Variants in TXNDC16 observed in about 807,000 individuals in gnomAD.
The protein encoded by TXNDC16 is thioredoxin domain containing 16.
A neutral mutation model predicts 85.6 loss-of-function variants in TXNDC16; 74 were observed. The ratio of observed to expected loss-of-function variants is 0.86; its 90% CI spans 0.72 to 1.05. The LOEUF is 1.05. TXNDC16 is among the 50% of genes least tolerant of loss of function. TXNDC16 has a pLI of 0.00. For synonymous variants in TXNDC16, 335 were observed against 326.5 expected (o/e 1.03, Z -0.28); for missense variants, 959 against 947.0 (o/e 1.01, Z -0.17).
chr14:52,498,157 T>G (rs1427205170), intron 9 of TXNDC16, among the ~76,000 whole-genome samples: 1 of 152,064 alleles, frequency 6.6e-6, no homozygotes, highest in East Asian at 1.9e-4. Context: ...CTCAAGATAT[T>G]AAACAGCATA....
Position 52,470,063 on chromosome 14 carries a change from C to A in TXNDC16, c.1592G>T (p.Gly531Val). ...LILYSSVSVLGLFSPTMKTAK... is the reference protein window; with the variant it reads ...LILYSSVSVLVLFSPTMKTAK... ...TGTTTTCATGGTTGGACTAAATAGT[C>A]CCAATACTGACACACTAGAATACAA... Residue 531 changes from glycine (G) to valine (V), a missense_variant, in exon 16 of 21, where the codon GGA becomes GTA. Physicochemically the swap from Gly to Val is moderately radical, Grantham distance 109. Transcript: ENST00000281741. 1 of 1,611,192 alleles carries A rather than the reference C, an allele frequency of 6.2e-7. No individual in the cohort carries two copies. Among genetic ancestry groups the A allele is most frequent in the Non-Finnish European group, 8.5e-7 (1 of 1,178,802 alleles).
rs2037897351 is a variant in TXNDC16, at chr14:52,544,341, C to A, written c.-151G>T. The A allele has an allele frequency of 1.3e-5, 2 of 151,932 alleles. No individual in the cohort carries two copies. Among genetic ancestry groups the A allele is most frequent in the African/African-American group, 2.4e-5 (1 of 41,378 alleles). The allele number at this position is 151,932 out of a possible 1,614,324, so 9.4% of individuals were successfully genotyped here. A position where few individuals can be genotyped will look rare whatever the true frequency, so the allele number is the denominator to read the frequency against. Reference sequence around the variant, plus strand: ...CTTTCAAATTTTTCTTGAACAACTTCAAGAAGTTTTCTACTGATGATCTAT... The same window carrying A: ...CTTTCAAATTTTTCTTGAACAACTTAAAGAAGTTTTCTACTGATGATCTAT... On this transcript the variant is annotated 5_prime_UTR_variant, in exon 2 of 21. Transcript: ENST00000281741.
chr14:52,543,324 T>C lies in TXNDC16; in HGVS notation c.160+74A>G, dbSNP rs558067262. 13 of 1,470,202 alleles carry C rather than the reference T, an allele frequency of 8.8e-6. No homozygotes were observed. The African/African-American group carries it at 1.7e-4, about 19-fold the overall frequency. The allele number at this position is 1,470,202 out of a possible 1,614,324, so 91.1% of individuals were successfully genotyped here. A position where few individuals can be genotyped will look rare whatever the true frequency, so the allele number is the denominator to read the frequency against. On this transcript the variant is annotated intron_variant, in intron 3 of 20. Transcript: ENST00000281741. Reference sequence around the variant, plus strand: ...ACATATTATTAATCTTAACAGAAATTTCCCACTGAACTTACTGATTAAATA... The same window carrying C: ...ACATATTATTAATCTTAACAGAAATCTCCCACTGAACTTACTGATTAAATA...
At chr14:52,457,315 T>A (rs1277041483) in intron 16 of TXNDC16, 141 bp from the exon 17 acceptor site, 1 of 492,404 alleles carries the variant, frequency 2.0e-6, no homozygotes, top group Admixed American at 4.3e-5. Context: ...TTATATAATT[T>A]AGTGGTTCCA....
chr14:52,490,469 T>C lies in TXNDC16; in HGVS notation c.924-18A>G. On this transcript the variant is annotated intron_variant, in intron 10 of 20. Coordinates refer to ENST00000281741, the MANE Select transcript of TXNDC16 (RefSeq NM_020784.3). Reference sequence around the variant, plus strand: ...AAGAGTCCCTTTTTCAAAATGGAAATAAATGTTTTATGTTGCTAATCTGAA... The same window carrying C: ...AAGAGTCCCTTTTTCAAAATGGAAACAAATGTTTTATGTTGCTAATCTGAA... 6.3e-7 allele frequency: 1 copy of C among 1,580,984 alleles called. No homozygotes were observed. The highest frequency in any genetic ancestry group is 8.6e-7 in the Non-Finnish European group (1 of 1,161,840).
intron 14 of TXNDC16, 73 bp downstream of exon 14, chr14:52,482,157 T>C: frequency 1.5e-6 from 2 of 1,356,554 alleles, no homozygotes; most frequent in Non-Finnish European, 2.0e-6. Flanking sequence ...TCTATATTTT[T>C]TGCATGACAT....
intron 14 of TXNDC16, among the ~76,000 whole-genome samples, chr14:52,481,026 A>C (rs2036139359): frequency 6.7e-6 from 1 of 148,966 alleles, no homozygotes; most frequent in Admixed American, 6.7e-5. Context: ...AGCCACAAAA[A>C]GGAATGAATT....
intron 14 of TXNDC16, among the ~76,000 whole-genome samples, chr14:52,475,383 C>A (rs2035998524): frequency 6.6e-6 from 1 of 152,134 alleles, no homozygotes; most frequent in South Asian, 2.1e-4. Context: ...AGAAAGAAAG[C>A]CCTACTTATT....
intron 16 of TXNDC16, among the ~76,000 whole-genome samples, chr14:52,461,790 C>A (rs1427628527): frequency 6.6e-6 from 1 of 152,224 alleles, no homozygotes; most frequent in Non-Finnish European, 1.5e-5. Context: ...ACCATGGCCA[C>A]CTGTCCAGAC....
At chr14:52,501,768 T>C (rs973024206) in intron 9 of TXNDC16, among the ~76,000 whole-genome samples, 2 of 152,216 alleles carry the variant, frequency 1.3e-5, no homozygotes, top group African/African-American at 4.8e-5. Context: ...CTAAGAGGTG[T>C]TTCCTATAAA....
At chr14:52,491,603 TAA>T (rs1491551625) in intron 9 of TXNDC16, among the ~76,000 whole-genome samples, 1 of 100,028 alleles carries the variant, frequency 1.0e-5, no homozygotes, top group Non-Finnish European at 1.9e-5. Context: ...AAACAATAAA[TAA>T]GTGTGGGACT....
intron 9 of TXNDC16, among the ~76,000 whole-genome samples, chr14:52,507,252 T>C (rs9743800): frequency 0.095 from 14,462 of 151,716 alleles, 792 homozygotes; most frequent in East Asian, 0.17. Context: ...AAATCACAAG[T>C]ATTCTTATAC....
At chr14:52,526,692 T>C (rs1361224385) in intron 6 of TXNDC16, among the ~76,000 whole-genome samples, 2 of 152,230 alleles carry the variant, frequency 1.3e-5, no homozygotes, top group Non-Finnish European at 2.9e-5. Context: ...TCCACCAAAC[T>C]GATGTCTTGT....
In TXNDC16 at chr14:52,450,876, T is replaced by C. The variant is rs1165139175; in HGVS notation, c.1842+4448A>G. On this transcript the variant is annotated intron_variant, in intron 18 of 20. Coordinates refer to ENST00000281741, the MANE Select transcript of TXNDC16 (RefSeq NM_020784.3). ...TTTTATATATATATATATATATATA[T>C]ATATACACACACACACACATACATA... Among the ~76,000 whole-genome samples, 8 of 117,444 alleles carry C rather than the reference T, an allele frequency of 6.8e-5. No individual in the cohort carries two copies. The East Asian group carries it at 8.8e-4, about 13-fold the overall frequency. 77.0% of individuals were successfully genotyped at this position (117,444 alleles called of 152,430 possible).
chr14:52,490,736 T>TA, intron 10 of TXNDC16, 103 bp downstream of exon 10: 1 of 1,258,866 alleles, frequency 7.9e-7, no homozygotes, highest in Non-Finnish European at 1.1e-6. Flanking sequence ...TGGAATCTAT[T>TA]AGAGATTTGA....
At chr14:52,528,757 C>G (rs1184185301) in intron 6 of TXNDC16, among the ~76,000 whole-genome samples, 1 of 149,092 alleles carries the variant, frequency 6.7e-6, no homozygotes, top group Non-Finnish European at 1.5e-5. Flanking sequence ...TAATAAAAAT[C>G]TGTAAGGTCA....
intron 6 of TXNDC16, among the ~76,000 whole-genome samples, chr14:52,528,459 A>C (rs936283084): frequency 7.2e-5 from 11 of 152,196 alleles, no homozygotes; most frequent in Non-Finnish European, 1.5e-4. Context: ...ATATATTTTA[A>C]TATGTATGTC....
At chr14:52,492,093 A>G (rs574940787) in intron 9 of TXNDC16, among the ~76,000 whole-genome samples, 3 of 152,096 alleles carry the variant, frequency 2.0e-5, no homozygotes, top group Admixed American at 6.6e-5. Context: ...CCCCTCCCCA[A>G]CTCTATGAGT....
At chr14:52,447,624 C>T (rs2035315590) in intron 18 of TXNDC16, among the ~76,000 whole-genome samples, 2 of 152,040 alleles carry the variant, frequency 1.3e-5, no homozygotes, top group South Asian at 2.1e-4. Context: ...CCTTTAACGC[C>T]CAGACACAGA....
Sources: allele counts gnomAD v4.1 joint callset (sites outside exome capture counted in the v4.1 genomes callset), GRCh38; gene constraint gnomAD v4.1.1; transcripts MANE v1.5; gene names NCBI Gene and HGNC (gene_info 2026-07-23, HGNC 2026-07-21).